LAMA1: variants seen among roughly 807,000 people sequenced by gnomAD.
The protein encoded by LAMA1 is laminin subunit alpha-1.
A neutral mutation model predicts 348.7 loss-of-function variants in LAMA1; 219 were observed. The observed-to-expected ratio is 0.63, with a 90% CI of 0.56 to 0.70. The LOEUF (loss-of-function observed/expected upper bound fraction) is 0.70. LAMA1 is among the 30% of genes least tolerant of loss of function. The probability of loss-of-function intolerance (pLI) is 0.00; values close to 1 mark genes in which losing one functional copy is unlikely to be tolerated. For missense variants in LAMA1, 3,744 were observed against 3,888.0 expected, an observed-to-expected ratio of 0.96 and a Z score of 0.99; for synonymous variants, 1,487 against 1,491.0, an observed-to-expected ratio of 1.00 and a Z score of 0.06.
Position 6,974,087 on chromosome 18 carries a change from A to C in LAMA1, c.6623+816T>G, listed in dbSNP as rs2057670625. Among the ~76,000 whole-genome samples the C allele has an allele frequency of 1.3e-5, 2 of 152,264 alleles. No individual in the cohort carries two copies. Among genetic ancestry groups the C allele is most frequent in the Admixed American group, 6.5e-5 (1 of 15,284 alleles). ...AGTGAGCCACCATGCCTGGTCTCCAAAGGTAACCTAAACTTTTAGACATTT... is the reference window on the plus strand; with the variant it reads ...AGTGAGCCACCATGCCTGGTCTCCACAGGTAACCTAAACTTTTAGACATTT... On this transcript the variant is annotated intron_variant, in intron 46 of 62. Coordinates refer to ENST00000389658, the MANE Select transcript of LAMA1 (RefSeq NM_005559.4).
chr18:6,950,867 C>T lies in LAMA1; in HGVS notation c.8312G>A (p.Gly2771Asp). 1 of 1,614,120 alleles carries T rather than the reference C, an allele frequency of 6.2e-7. No individual in the cohort carries two copies. The highest frequency in any genetic ancestry group is 8.5e-7 in the Non-Finnish European group (1 of 1,180,026). Residue 2771 changes from glycine to aspartate, a missense_variant, in exon 58 of 63, where the codon GGC becomes GAC. Physicochemically the swap from Gly to Asp is moderately conservative, Grantham distance 94 (BLOSUM62 -1). Around this residue, in one of 3 missense-constraint regions of LAMA1, gnomAD observed 1,983 missense variants for 1,934.3 expected, o/e 1.03. Coordinates refer to ENST00000389658, the MANE Select transcript of LAMA1 (RefSeq NM_005559.4). Reference sequence around the variant, plus strand: ...AAGGTCAAACATGAAGTGGAGGCGGCCCCCGTGCAGCTGGAGCACAGCGTA... The same window carrying T: ...AAGGTCAAACATGAAGTGGAGGCGGTCCCCGTGCAGCTGGAGCACAGCGTA... ...ADYAVLQLHG[G>D]RLHFMFDLGK...
intron 1 of LAMA1, among the ~76,000 whole-genome samples, chr18:7,101,091 G>T (rs1003284989): frequency 2.0e-5 from 3 of 152,116 alleles, no homozygotes; most frequent in African/African-American, 7.2e-5. Context: ...ACTTCCCAAA[G>T]TACAGACAGC....
chr18:6,991,341 G>GA (rs1894243021), intron 36 of LAMA1, among the ~76,000 whole-genome samples: 1 of 150,332 alleles, frequency 6.7e-6, no homozygotes, highest in South Asian at 2.1e-4. Context: ...TGCATGTTAG[G>GA]AATCCTCAAA....
chr18:7,037,697 GGAT>G lies in LAMA1; in HGVS notation c.1615_1617del (p.Ile539del). ...CCGCCTAGTGCATCTTGCTGAGACGGGATCTTCCTGGGACTGATCAAGTCGGTG... is the reference window on the plus strand; with the variant it reads ...CCGCCTAGTGCATCTTGCTGAGACGGCTTCCTGGGACTGATCAAGTCGGTG... On this transcript the variant is annotated inframe_deletion, in exon 12 of 63. Coordinates refer to ENST00000389658, the MANE Select transcript of LAMA1 (RefSeq NM_005559.4). 6.2e-7 allele frequency: 1 copy of G among 1,614,148 alleles called. No individual in the cohort carries two copies. Among genetic ancestry groups the G allele is most frequent in the South Asian group, 1.1e-5 (1 of 91,084 alleles).
At chr18:7,082,992 G>A (rs550765883) in intron 1 of LAMA1, among the ~76,000 whole-genome samples, 2 of 151,254 alleles carry the variant, frequency 1.3e-5, no homozygotes, top group East Asian at 1.9e-4. Flanking sequence ...AGGGGAGGGG[G>A]CCAGGGAGTC....
chr18:7,008,712 C>T, intron 27 of LAMA1, 104 bp from the exon 28 acceptor site: 1 of 1,396,106 alleles, frequency 7.2e-7, no homozygotes, highest in Non-Finnish European at 1.0e-6. Context: ...CCAGAGCTTT[C>T]TTCCCTGTTT....
chr18:7,019,917 G>A (rs2057907930), intron 19 of LAMA1, among the ~76,000 whole-genome samples: 1 of 151,628 alleles, frequency 6.6e-6, no homozygotes, highest in Non-Finnish European at 1.5e-5. Context: ...CCTGACCTTA[G>A]GTGATCCACC....
At chr18:7,051,064 T>C (rs1229414552) in intron 3 of LAMA1, 128 bp from the exon 4 acceptor site, 2 of 1,261,970 alleles carry the variant, frequency 1.6e-6, no homozygotes, top group Non-Finnish European at 2.2e-6. Context: ...GACAGTAGAA[T>C]GGTGGCTGCC....
intron 41 of LAMA1, among the ~76,000 whole-genome samples, chr18:6,981,063 A>G (rs575301688): frequency 5.3e-5 from 8 of 151,896 alleles, no homozygotes; most frequent in Non-Finnish European, 1.0e-4. Flanking sequence ...AGATCGTGCC[A>G]CTGCACTCCA....
intron 46 of LAMA1, among the ~76,000 whole-genome samples, 154 bp downstream of exon 46, chr18:6,974,749 C>A (rs560116930): frequency 2.6e-4 from 40 of 152,218 alleles, no homozygotes; most frequent in African/African-American, 9.4e-4. Flanking sequence ...GCCACAAATG[C>A]TTATTTCTAC....
intron 36 of LAMA1, among the ~76,000 whole-genome samples, 170 bp from the exon 37 acceptor site, chr18:6,986,517 G>A (rs1016397294): frequency 1.3e-5 from 2 of 150,610 alleles, no homozygotes; most frequent in Admixed American, 6.7e-5. Context: ...GATAGCTACA[G>A]GTATGGCAGG....
At chr18:7,038,504 C>T (rs556392991) in intron 11 of LAMA1, 3 of 420,890 alleles carry the variant, frequency 7.1e-6, no homozygotes, top group East Asian at 1.1e-4. Flanking sequence ...GCAGCAGGGG[C>T]GGGCGGAGGG....
chr18:7,080,590 C>T lies in LAMA1; in HGVS notation c.62-133G>A, dbSNP rs1313441379. On this transcript the variant is annotated intron_variant, in intron 1 of 62. Coordinates refer to ENST00000389658, the MANE Select transcript of LAMA1 (RefSeq NM_005559.4). ...CTGAATGAAGGAATCCTTACACAAACACCGTATACGCAGCATGGTTTCATC... is the reference window on the plus strand; with the variant it reads ...CTGAATGAAGGAATCCTTACACAAATACCGTATACGCAGCATGGTTTCATC... 1.3e-5 allele frequency: 12 copies of T among 916,898 alleles called. 1 individual carries two copies. Among genetic ancestry groups the T allele is most frequent in the Non-Finnish European group, 2.1e-5 (12 of 571,344 alleles). 56.8% of individuals were successfully genotyped at this position (916,898 alleles called of 1,614,324 possible).
intron 29 of LAMA1, among the ~76,000 whole-genome samples, chr18:7,006,856 CTGT>C (rs1308388482): frequency 3.3e-5 from 5 of 152,162 alleles, no homozygotes; most frequent in African/African-American, 4.8e-5. Flanking sequence ...TATATGTGAT[CTGT>C]TGTTGATGAA....
At chr18:7,063,731 G>A (rs1005483459) in intron 3 of LAMA1, among the ~76,000 whole-genome samples, 1 of 152,152 alleles carries the variant, frequency 6.6e-6, no homozygotes. Flanking sequence ...CATTATGTAC[G>A]CTAAGTGAAA....
intron 3 of LAMA1, among the ~76,000 whole-genome samples, chr18:7,052,508 G>C (rs1377619636): frequency 6.6e-6 from 1 of 151,702 alleles, no homozygotes; most frequent in Non-Finnish European, 1.5e-5. Flanking sequence ...AGGCAGATCA[G>C]CTGAGGTCAG....
chr18:6,976,999 G>A (rs1019922037), intron 44 of LAMA1, among the ~76,000 whole-genome samples: 9 of 152,336 alleles, frequency 5.9e-5, no homozygotes, highest in African/African-American at 2.2e-4. Flanking sequence ...GACACTTGAG[G>A]TTTTGGAAAA....
chr18:6,974,816 G>T, intron 46 of LAMA1, 87 bp downstream of exon 46: 1 of 1,521,484 alleles, frequency 6.6e-7, no homozygotes. Flanking sequence ...AAGTTTCAAA[G>T]CCTATTATAT....
intron 58 of LAMA1, 51 bp from the exon 59 acceptor site, chr18:6,949,310 T>C (rs2057536173): frequency 6.4e-7 from 1 of 1,551,516 alleles, no homozygotes; most frequent in African/African-American, 1.4e-5. Context: ...GAAAAAACTT[T>C]TAACAGATGT....
Sources: gnomAD v4.1 joint callset for allele counts (sites outside exome capture counted in the v4.1 genomes callset) on GRCh38, gnomAD v4.1.1 for gene constraint, gnomAD v4.1.1 regional missense constraint, MANE v1.5 for transcripts, NCBI Gene and HGNC (gene_info 2026-07-23, HGNC 2026-07-21) for gene names.